SYT16: variants seen among roughly 807,000 people sequenced by gnomAD.
SYT16 encodes synaptotagmin 16, also known as synaptotagmin-16.
In SYT16, 42 loss-of-function variants were observed where a neutral mutation model predicts 61.4. That is an observed-to-expected ratio of 0.68 (90% CI 0.53 to 0.89). The LOEUF (loss-of-function observed/expected upper bound fraction) is 0.89. Among genes scored for constraint, SYT16 ranks in the 40% least tolerant of loss-of-function variants. The pLI, the probability that SYT16 is intolerant of heterozygous loss-of-function variation, is 0.00. For missense variants in SYT16, 804 were observed against 807.3 expected (o/e 1.00, Z 0.05); for synonymous variants, 314 against 302.3 (o/e 1.04, Z -0.40).
intron 1 of SYT16, among the ~76,000 whole-genome samples, chr14:61,933,038 G>GT (rs142151046): frequency 4.6e-5 from 7 of 152,244 alleles, no homozygotes; most frequent in Non-Finnish European, 8.8e-5. Flanking sequence ...CTCTTTTTTG[G>GT]TGGAATATCT....
chr14:61,928,906 T>C (rs1951500356), intron 1 of SYT16, among the ~76,000 whole-genome samples: 1 of 152,188 alleles, frequency 6.6e-6, no homozygotes, highest in African/African-American at 2.4e-5. Flanking sequence ...AAAGGTGATT[T>C]AGTAGGCACA....
chr14:61,865,307 G>T, intron 1 of SYT16: 1 of 735,220 alleles, frequency 1.4e-6, no homozygotes, highest in South Asian at 1.5e-5. Flanking sequence ...TCTGAACGCA[G>T]GGATGCGGAG....
chr14:61,824,040 A>G (rs753858693), intron 1 of SYT16, among the ~76,000 whole-genome samples: 11 of 152,184 alleles, frequency 7.2e-5, no homozygotes, highest in African/African-American at 2.2e-4. Context: ...TTTTTATTTT[A>G]TTGGAGAAAA....
At chr14:61,896,495 A>T (rs1333491236) in intron 1 of SYT16, among the ~76,000 whole-genome samples, 2 of 152,234 alleles carry the variant, frequency 1.3e-5, no homozygotes, top group Admixed American at 1.3e-4. Context: ...ATTGTCAACC[A>T]TGAAGTTGTG....
At chr14:61,827,268 C>T (rs1446950172) in intron 1 of SYT16, among the ~76,000 whole-genome samples, 2 of 152,140 alleles carry the variant, frequency 1.3e-5, no homozygotes. Flanking sequence ...GGAACAGGCA[C>T]CTACAATGAC....
At chr14:62,040,996 T>C (rs1342765226) in intron 3 of SYT16, among the ~76,000 whole-genome samples, 2 of 152,154 alleles carry the variant, frequency 1.3e-5, no homozygotes, top group African/African-American at 4.8e-5. Flanking sequence ...GGTCCCACAA[T>C]AGGCCGTCTG....
chr14:61,838,237 A>T (rs1280610235), intron 1 of SYT16, among the ~76,000 whole-genome samples: 1 of 152,172 alleles, frequency 6.6e-6, no homozygotes, highest in African/African-American at 2.4e-5. Flanking sequence ...TTAAATCTCA[A>T]TCATTACTGA....
At chr14:61,868,081 A>C (rs1043193472) in intron 1 of SYT16, among the ~76,000 whole-genome samples, 2 of 151,940 alleles carry the variant, frequency 1.3e-5, no homozygotes, top group Non-Finnish European at 2.9e-5. Context: ...TTGTGTGTCT[A>C]TATTCTTGTT....
chr14:62,067,216 C>T (rs1008225723), intron 3 of SYT16, among the ~76,000 whole-genome samples: 12 of 152,058 alleles, frequency 7.9e-5, no homozygotes, highest in Non-Finnish European at 4.4e-5. Flanking sequence ...AACTACTTAC[C>T]GTGGAGAAGG....
intron 5 of SYT16, among the ~76,000 whole-genome samples, chr14:62,075,880 C>T (rs1217053145): frequency 6.6e-6 from 1 of 152,108 alleles, no homozygotes; most frequent in Admixed American, 6.5e-5. Context: ...TGAAATTATA[C>T]AAGGTGTAAT....
chr14:62,003,319 A>G (rs2053096011), intron 3 of SYT16, among the ~76,000 whole-genome samples: 1 of 152,028 alleles, frequency 6.6e-6, no homozygotes, highest in Non-Finnish European at 1.5e-5. Flanking sequence ...AGCTCTGTGA[A>G]GAACTTCTAA....
chr14:61,894,611 G>A (rs1291486063), intron 1 of SYT16, among the ~76,000 whole-genome samples: 2 of 152,104 alleles, frequency 1.3e-5, no homozygotes, highest in African/African-American at 2.4e-5. Context: ...TGATGGCTGG[G>A]CACCCTCATT....
At chr14:62,032,195 G>A (rs926106472) in intron 3 of SYT16, among the ~76,000 whole-genome samples, 1 of 152,076 alleles carries the variant, frequency 6.6e-6, no homozygotes, top group African/African-American at 2.4e-5. Flanking sequence ...AAGCTTAAAA[G>A]AAAAGAGGGA....
intron 1 of SYT16, among the ~76,000 whole-genome samples, chr14:61,873,428 C>T (rs901882533): frequency 6.6e-6 from 1 of 152,112 alleles, no homozygotes; most frequent in Non-Finnish European, 1.5e-5. Context: ...TTTCCTTTTT[C>T]TCCTACTGTC....
chr14:62,074,461 T>C (rs901053339), intron 4 of SYT16, among the ~76,000 whole-genome samples: 3 of 152,142 alleles, frequency 2.0e-5, no homozygotes, highest in African/African-American at 7.2e-5. Context: ...ATGAGGCCAG[T>C]TCAGGCCAGG....
At chr14:62,074,703 C>A (rs901085866) in intron 4 of SYT16, among the ~76,000 whole-genome samples, 13 of 152,086 alleles carry the variant, frequency 8.5e-5, no homozygotes, top group African/African-American at 2.7e-4. Flanking sequence ...GGTAGGATCA[C>A]CAAAGCTTTT....
intron 1 of SYT16, among the ~76,000 whole-genome samples, chr14:61,821,514 A>G (rs1418899040): frequency 2.6e-5 from 4 of 152,176 alleles, no homozygotes; most frequent in Admixed American, 1.3e-4. Flanking sequence ...TACTGAGCTC[A>G]TGGGCATTGA....
At chr14:62,072,789 C>T (rs571786936) in intron 4 of SYT16, among the ~76,000 whole-genome samples, 7 of 152,016 alleles carry the variant, frequency 4.6e-5, no homozygotes, top group Admixed American at 2.0e-4. Flanking sequence ...GGGTGGTGAT[C>T]GGGGAGAGAG....
At chr14:61,910,825 G>A (rs1054328984) in intron 1 of SYT16, among the ~76,000 whole-genome samples, 6 of 152,150 alleles carry the variant, frequency 3.9e-5, no homozygotes, top group Admixed American at 6.5e-5. Flanking sequence ...CACCGTGCCC[G>A]GCCATATGCT....
Sources: allele counts gnomAD v4.1 joint callset (sites outside exome capture counted in the v4.1 genomes callset), GRCh38; gene constraint gnomAD v4.1.1; transcripts MANE v1.5; gene names NCBI Gene and HGNC (gene_info 2026-07-23, HGNC 2026-07-21).